The following ERICH6B variants were observed in gnomAD, a reference collection of about 807,000 sequenced individuals.
ERICH6B encodes the protein glutamate-rich protein 6B.
In ERICH6B, 69 loss-of-function variants were observed where a neutral mutation model predicts 80.0. The observed-to-expected ratio is 0.86, with a 90% CI of 0.71 to 1.05. ERICH6B has a LOEUF of 1.05. Ranked by LOEUF, ERICH6B falls within the 50% of genes least tolerant of loss-of-function variation. The pLI is 0.00. For missense variants in ERICH6B, 754 were observed against 796.1 expected, an observed-to-expected ratio of 0.95 and a Z score of 0.64; for synonymous variants, 283 against 291.9, an observed-to-expected ratio of 0.97 and a Z score of 0.31.
At chr13:45,542,586 C>T (rs1482320216) in intron 14 of ERICH6B, among the ~76,000 whole-genome samples, 2 of 152,226 alleles carry the variant, frequency 1.3e-5, no homozygotes, top group African/African-American at 4.8e-5. Context: ...GCAGCCCTTC[C>T]TGCAGCCTCG....
intron 11 of ERICH6B, among the ~76,000 whole-genome samples, 163 bp downstream of exon 11, chr13:45,561,206 C>A (rs1874658083): frequency 6.6e-6 from 1 of 152,154 alleles, no homozygotes; most frequent in South Asian, 2.1e-4. Context: ...AGTCAGTCTG[C>A]CAGCAACCCA....
intron 11 of ERICH6B, among the ~76,000 whole-genome samples, chr13:45,559,006 G>C (rs1874555009): frequency 6.6e-6 from 1 of 152,094 alleles, no homozygotes; most frequent in Admixed American, 6.6e-5. Context: ...AATAGGATTG[G>C]TACCAATTCT....
Position 45,590,711 on chromosome 13 carries a change from G to A in ERICH6B, c.638-14C>T. On this transcript the variant is annotated splice_polypyrimidine_tract_variant and intron_variant, in intron 3 of 14. Coordinates refer to ENST00000298738, the MANE Select transcript of ERICH6B (RefSeq NM_182542.3). ...TTGCCTTGGGTTCTATTGGAAAAAA[G>A]AATAAAAAAGCAATATTGGCAAAAA... is the stretch of plus-strand genomic sequence containing the variant. The A allele has an allele frequency of 6.5e-7, 1 of 1,548,866 alleles. No individual in the cohort carries two copies. The highest frequency in any genetic ancestry group is 8.7e-7 in the Non-Finnish European group (1 of 1,145,882).
At chr13:45,605,935 G>A (rs1239551267) in intron 2 of ERICH6B, among the ~76,000 whole-genome samples, 1 of 152,122 alleles carries the variant, frequency 6.6e-6, no homozygotes, top group Non-Finnish European at 1.5e-5. Flanking sequence ...TAAGAACCAG[G>A]GCAGTGAGCT....
chr13:45,613,240 G>C (rs1949909637), intron 1 of ERICH6B, among the ~76,000 whole-genome samples: 1 of 152,046 alleles, frequency 6.6e-6, no homozygotes, highest in Non-Finnish European at 1.5e-5. Context: ...TTGTGGACCA[G>C]CTTCCTAATA....
chr13:45,563,627 A>C (rs1874786578), intron 10 of ERICH6B, 100 bp downstream of exon 10: 2 of 1,102,364 alleles, frequency 1.8e-6, no homozygotes, highest in African/African-American at 1.6e-5. Flanking sequence ...TGAGTGAATG[A>C]GCCCTTCCAC....
In ERICH6B at chr13:45,561,389, A is replaced by G. The variant is rs1180583245; in HGVS notation, c.1387T>C (p.Trp463Arg). ...HRKKLERDKEWIQKKTVVHQG... is the reference protein window; with the variant it reads ...HRKKLERDKERIQKKTVVHQG... ...CTTACCACTGTCTTCTTCTGTATCC[A>G]TTCCTTATCTCGTTCTAATTTCTTC... Residue 463 changes from tryptophan to arginine, a missense_variant, in exon 11 of 15, where the codon TGG becomes CGG. Transcript: ENST00000298738. 1.3e-6 allele frequency: 2 copies of G among 1,552,256 alleles called. No individual in the cohort carries two copies. Among genetic ancestry groups the G allele is most frequent in the Non-Finnish European group, 8.7e-7 (1 of 1,147,116 alleles).
intron 2 of ERICH6B, 100 bp from the exon 3 acceptor site, chr13:45,597,163 G>T: frequency 1.2e-6 from 1 of 843,098 alleles, no homozygotes; most frequent in Non-Finnish European, 1.8e-6. Context: ...GTAGTCTTTG[G>T]AGGGCTCTTT....
chr13:45,572,593 T>C (rs1344781110), intron 8 of ERICH6B, among the ~76,000 whole-genome samples: 1 of 152,144 alleles, frequency 6.6e-6, no homozygotes, highest in African/African-American at 2.4e-5. Flanking sequence ...CAATACTTAG[T>C]AATCAGAAAA....
chr13:45,551,343 A>G (rs1874213892), intron 11 of ERICH6B: 1 of 152,012 alleles, frequency 6.6e-6, no homozygotes, highest in Admixed American at 6.6e-5. Context: ...TGGGTTTTCT[A>G]TGTTATTCTA....
At chr13:45,547,936 A>C (rs1278304633) in intron 13 of ERICH6B, among the ~76,000 whole-genome samples, 1 of 152,150 alleles carries the variant, frequency 6.6e-6, no homozygotes, top group Non-Finnish European at 1.5e-5. Flanking sequence ...CCCCCTTTGG[A>C]AGATGGGATC....
intron 8 of ERICH6B, among the ~76,000 whole-genome samples, chr13:45,572,970 G>A (rs1593787791): frequency 6.6e-6 from 1 of 151,794 alleles, no homozygotes; most frequent in African/African-American, 2.4e-5. Flanking sequence ...GATGGAGGAG[G>A]CATTCTCATG....
chr13:45,599,688 A>G (rs1949814694), intron 2 of ERICH6B, among the ~76,000 whole-genome samples: 1 of 152,134 alleles, frequency 6.6e-6, no homozygotes, highest in East Asian at 1.9e-4. Flanking sequence ...GTTTCCTTAC[A>G]GTTTCAGTTT....
intron 9 of ERICH6B, among the ~76,000 whole-genome samples, chr13:45,564,410 G>A (rs913025496): frequency 6.6e-6 from 1 of 152,228 alleles, no homozygotes; most frequent in African/African-American, 2.4e-5. Context: ...TCAGATCAGA[G>A]CCCCTTTGAA....
intron 8 of ERICH6B, among the ~76,000 whole-genome samples, chr13:45,573,396 A>G (rs547103989): frequency 1.2e-4 from 19 of 152,334 alleles, no homozygotes; most frequent in African/African-American, 4.1e-4. Context: ...AATTTCCAGG[A>G]TACATAAATA....
At chr13:45,601,140 G>A (rs986827308) in intron 2 of ERICH6B, among the ~76,000 whole-genome samples, 24 of 152,160 alleles carry the variant, frequency 1.6e-4, no homozygotes, top group Non-Finnish European at 3.1e-4. Context: ...TTTCCTATCC[G>A]TTGATTCCCC....
At chr13:45,598,136 C>A (rs190535511) in intron 2 of ERICH6B, among the ~76,000 whole-genome samples, 2 of 152,196 alleles carry the variant, frequency 1.3e-5, no homozygotes, top group Non-Finnish European at 2.9e-5. Context: ...CCTGCCCCCA[C>A]CCTGTTACTC....
At position 45,596,684 on chromosome 13, in the gene ERICH6B, CT is replaced by C; in HGVS notation, c.321del (p.Glu108SerfsTer48). 6.4e-7 allele frequency: 1 copy of C among 1,552,092 alleles called. No individual in the cohort carries two copies. The highest frequency in any genetic ancestry group is 8.7e-7 in the Non-Finnish European group (1 of 1,147,054). On this transcript the variant is annotated frameshift_variant, in exon 3 of 15. Transcript: ENST00000298738. LOFTEE classifies it high-confidence loss of function. Reference protein sequence around the residue: ...YLEKAGYLEEEEYIEEEEYLG... With the variant: ...YLEKAGYLEEXEYIEEEEYLG... ...AGATACTCTTCCTCTTCAATATACT[CT>C]TCCTCCTCCAGATACCCTGCCTTCT...
At chr13:45,615,618 G>T (rs897415209) in intron 1 of ERICH6B, 67 bp downstream of exon 1, 1 of 152,664 alleles carries the variant, frequency 6.6e-6, no homozygotes, top group Non-Finnish European at 1.5e-5. Flanking sequence ...GAGGAGGAGA[G>T]TGGGTGGAGA....
Sources: gnomAD v4.1 joint callset for allele counts (sites outside exome capture counted in the v4.1 genomes callset) on GRCh38, gnomAD v4.1.1 for gene constraint, MANE v1.5 for transcripts, NCBI Gene and HGNC (gene_info 2026-07-23, HGNC 2026-07-21) for gene names.